The following DCPH1 variants were observed in gnomAD, a reference collection of about 807,000 sequenced individuals.
The protein encoded by DCPH1 is damage-control phosphatase 1.
the DCPH1 span, among the ~76,000 whole-genome samples, chr6:151,463,727 G>A: frequency 2.6e-5 from 4 of 152,140 alleles, no homozygotes; most frequent in Admixed American, 1.3e-4. Flanking sequence ...GGAAAAAGTA[G>A]CTAATTTGGA....
At chr6:151,465,422 G>C in the DCPH1 span, among the ~76,000 whole-genome samples, 1 of 152,118 alleles carries the variant, frequency 6.6e-6, no homozygotes, top group Non-Finnish European at 1.5e-5. Flanking sequence ...GGCTGCCAGG[G>C]AAGGGTCCAT....
chr6:151,455,176 A>G, the DCPH1 span, among the ~76,000 whole-genome samples: 2 of 149,162 alleles, frequency 1.3e-5, no homozygotes, highest in African/African-American at 4.9e-5. Context: ...CCATTCAATT[A>G]ATGGATGAGG....
At chr6:151,467,908 T>C in the DCPH1 span, among the ~76,000 whole-genome samples, 2 of 152,264 alleles carry the variant, frequency 1.3e-5, no homozygotes, top group Admixed American at 1.3e-4. Flanking sequence ...CGTCCTAAGG[T>C]TATGCAATTA....
chr6:151,456,163 G>C, the DCPH1 span, among the ~76,000 whole-genome samples: 14 of 152,202 alleles, frequency 9.2e-5, 1 homozygote, highest in African/African-American at 3.4e-4. Flanking sequence ...GTAACAATCT[G>C]ATCTCTCTTG....
At chr6:151,464,335 A>T in the DCPH1 span, 6 of 581,818 alleles carry the variant, frequency 1.0e-5, no homozygotes, top group Non-Finnish European at 1.8e-5. Context: ...GATAAATGTT[A>T]TATCTAGTTT....
chr6:151,463,424 T>G, the DCPH1 span, among the ~76,000 whole-genome samples: 1 of 152,172 alleles, frequency 6.6e-6, no homozygotes, highest in Non-Finnish European at 1.5e-5. Context: ...TTTGGCTGTT[T>G]CCAAAAATAA....
At chr6:151,461,526 T>G in the DCPH1 span, among the ~76,000 whole-genome samples, 1 of 151,948 alleles carries the variant, frequency 6.6e-6, no homozygotes. Context: ...CAAAAATTAG[T>G]CAGGCATGGT....
chr6:151,455,244 G>A, the DCPH1 span, among the ~76,000 whole-genome samples: 1 of 152,210 alleles, frequency 6.6e-6, no homozygotes, highest in Admixed American at 6.5e-5. Flanking sequence ...ACCTGTGGGT[G>A]TTTCTCGTAA....
chr6:151,459,601 G>A, the DCPH1 span, among the ~76,000 whole-genome samples: 1 of 152,166 alleles, frequency 6.6e-6, no homozygotes, highest in Middle Eastern at 3.4e-3. Context: ...AGACCAGCCT[G>A]GTGAGCGTGG....
chr6:151,454,491 G>A, the DCPH1 span: 1 of 811,644 alleles, frequency 1.2e-6, no homozygotes, highest in South Asian at 1.5e-5. Flanking sequence ...CTAAAAGATA[G>A]CCAGTCTTCT....
At chr6:151,465,327 A>T in the DCPH1 span, among the ~76,000 whole-genome samples, 1 of 152,202 alleles carries the variant, frequency 6.6e-6, no homozygotes, top group Non-Finnish European at 1.5e-5. Flanking sequence ...AAAGTGAGGA[A>T]GACTTTCAAA....
At chr6:151,452,650 G>C in the DCPH1 span, 1 of 1,513,614 alleles carries the variant, frequency 6.6e-7, no homozygotes. Context: ...AGCCTGTGGG[G>C]ACTAAGCGGA....
the DCPH1 span, chr6:151,458,284 A>G: frequency 6.4e-7 from 1 of 1,574,430 alleles, no homozygotes; most frequent in Non-Finnish European, 8.6e-7. Flanking sequence ...GGAATTGCAC[A>G]GACACACACA....
At chr6:151,462,286 A>C in the DCPH1 span, among the ~76,000 whole-genome samples, 1 of 152,368 alleles carries the variant, frequency 6.6e-6, no homozygotes, top group East Asian at 1.9e-4. Context: ...CCCAGTGCCC[A>C]GATCAAGAGA....
At chr6:151,458,457 G>A in the DCPH1 span, 4 of 1,613,422 alleles carry the variant, frequency 2.5e-6, no homozygotes, top group African/African-American at 1.3e-5. Context: ...TCAGTACCTA[G>A]AATATCAACA....
chr6:151,462,252 T>C, the DCPH1 span, among the ~76,000 whole-genome samples: 4 of 152,246 alleles, frequency 2.6e-5, no homozygotes, highest in Admixed American at 6.5e-5. Context: ...GCATGTCTTA[T>C]GTGTTCAAGA....
chr6:151,463,169 C>T, the DCPH1 span, among the ~76,000 whole-genome samples: 12 of 152,218 alleles, frequency 7.9e-5, no homozygotes, highest in Admixed American at 4.6e-4. Flanking sequence ...GGTGGTGGGC[C>T]GGATTGGGTC....
At chr6:151,467,681 A>G in the DCPH1 span, among the ~76,000 whole-genome samples, 1 of 152,110 alleles carries the variant, frequency 6.6e-6, no homozygotes, top group Non-Finnish European at 1.5e-5. Context: ...GGAAGTCCTA[A>G]ACGTGTAATT....
At chr6:151,464,525 C>G in the DCPH1 span, 1 of 1,610,168 alleles carries the variant, frequency 6.2e-7, no homozygotes, top group South Asian at 1.1e-5. Context: ...AGGAATCCAT[C>G]ATTGCTTTAT....
Sources: gnomAD v4.1 joint callset for allele counts (sites outside exome capture counted in the v4.1 genomes callset) on GRCh38, gnomAD v4.1.1 for gene constraint, MANE v1.5 for transcripts, NCBI Gene and HGNC (gene_info 2026-07-23, HGNC 2026-07-21) for gene names.